Variants in ROBO1 observed in about 807,000 individuals in gnomAD.
The protein encoded by ROBO1 is roundabout homolog 1.
Under a neutral mutation model 195.9 loss-of-function variants are expected in ROBO1, and 149 were observed. The ratio of observed to expected loss-of-function variants is 0.76; its 90% CI spans 0.67 to 0.87. The LOEUF is 0.87. ROBO1 is among the 40% of genes least tolerant of loss of function. The pLI, the probability that ROBO1 is intolerant of heterozygous loss-of-function variation, is 0.00. For synonymous variants in ROBO1, 816 were observed against 733.2 expected (o/e 1.11, Z -1.82); for missense variants, 1,933 against 2,068.3 (o/e 0.93, Z 1.27).
Position 79,612,030 on chromosome 3 carries a change from T to A in ROBO1, c.-50-22069A>T, listed in dbSNP as rs867903383. 6.1e-5 allele frequency among the ~76,000 whole-genome samples: 8 copies of A among 131,344 alleles called. No homozygotes were observed. The South Asian group carries it at 1.8e-3, about 29-fold the overall frequency. The allele number at this position is 131,344 out of a possible 152,430, so 86.2% of individuals were successfully genotyped here. On this transcript the variant is annotated intron_variant, in intron 1 of 30. Coordinates refer to ENST00000464233, the MANE Select transcript of ROBO1 (RefSeq NM_002941.4). Reference sequence around the variant, plus strand: ...TTCTGTAATGACTATTATCTTTTTTTTTATTATTTTTTTATACTTTTAAGT... The same window carrying A: ...TTCTGTAATGACTATTATCTTTTTTATTATTATTTTTTTATACTTTTAAGT...
At chr3:79,460,451 T>C (rs181102842) in intron 2 of ROBO1, among the ~76,000 whole-genome samples, 3 of 152,312 alleles carry the variant, frequency 2.0e-5, no homozygotes, top group Non-Finnish European at 4.4e-5. Flanking sequence ...TTTATACCAG[T>C]AAAGCAAGTG....
At chr3:78,970,094 CAA>C (rs1230271005) in intron 3 of ROBO1, among the ~76,000 whole-genome samples, 1 of 151,754 alleles carries the variant, frequency 6.6e-6, no homozygotes, top group African/African-American at 2.4e-5. Flanking sequence ...ACAGAGGAGC[CAA>C]AGACTCATTA....
At chr3:79,249,357 C>T (rs1040062460) in intron 2 of ROBO1, among the ~76,000 whole-genome samples, 10 of 152,272 alleles carry the variant, frequency 6.6e-5, no homozygotes, top group African/African-American at 1.7e-4. Context: ...TAATTATGAA[C>T]GCCTTACTTT....
At chr3:79,445,249 C>T (rs898414868) in intron 2 of ROBO1, among the ~76,000 whole-genome samples, 3 of 151,592 alleles carry the variant, frequency 2.0e-5, no homozygotes, top group Non-Finnish European at 4.4e-5. Context: ...CACACCAATG[C>T]ATATATTACT....
At chr3:79,248,103 A>C (rs931314838) in intron 2 of ROBO1, among the ~76,000 whole-genome samples, 1 of 152,052 alleles carries the variant, frequency 6.6e-6, no homozygotes, top group African/African-American at 2.4e-5. Flanking sequence ...TTGGGAGGAA[A>C]CTTTGGATAG....
intron 5 of ROBO1, among the ~76,000 whole-genome samples, chr3:78,741,637 A>G (rs2082536033): frequency 6.6e-6 from 1 of 152,170 alleles, no homozygotes; most frequent in African/African-American, 2.4e-5. Context: ...ATTTTTAAAA[A>G]TCGCTCTTTG....
chr3:79,716,766 C>A (rs935541904), intron 1 of ROBO1, among the ~76,000 whole-genome samples: 1 of 151,818 alleles, frequency 6.6e-6, no homozygotes, highest in Non-Finnish European at 1.5e-5. Flanking sequence ...TTTAATAACA[C>A]AGCATGCCAA....
chr3:78,724,983 C>G (rs781530512), intron 5 of ROBO1, among the ~76,000 whole-genome samples: 2 of 152,170 alleles, frequency 1.3e-5, no homozygotes, highest in Non-Finnish European at 1.5e-5. Flanking sequence ...TGAACAGACA[C>G]AATGTTAAAC....
intron 10 of ROBO1, among the ~76,000 whole-genome samples, chr3:78,682,621 AT>A (rs2080949311): frequency 6.8e-6 from 1 of 147,450 alleles, no homozygotes; most frequent in Non-Finnish European, 1.5e-5. Flanking sequence ...GTTTATATAT[AT>A]TTGATATATA....
Position 79,030,354 on chromosome 3 carries a change from T to C in ROBO1, c.173-91427A>G, listed in dbSNP as rs557617879. 2.0e-5 allele frequency among the ~76,000 whole-genome samples: 3 copies of C among 152,306 alleles called. No individual in the cohort carries two copies. In the South Asian group the frequency reaches 6.2e-4, roughly 32 times the overall value. ...ATACTGCTAAACATCTTCCATTGCATAGGACAGTCTCCCTCTCACAACAAA... is the reference window on the plus strand; with the variant it reads ...ATACTGCTAAACATCTTCCATTGCACAGGACAGTCTCCCTCTCACAACAAA... On this transcript the variant is annotated intron_variant, in intron 3 of 30. Transcript: ENST00000464233.
intron 4 of ROBO1, among the ~76,000 whole-genome samples, chr3:78,798,221 T>TA (rs1382092062): frequency 6.6e-6 from 1 of 152,310 alleles, no homozygotes; most frequent in East Asian, 1.9e-4. Context: ...CAGTAACTGT[T>TA]ACACTTAAAT....
At chr3:79,611,631 A>C (rs1041336674) in intron 1 of ROBO1, among the ~76,000 whole-genome samples, 1 of 152,108 alleles carries the variant, frequency 6.6e-6, no homozygotes, top group Non-Finnish European at 1.5e-5. Flanking sequence ...GCAAACTAAC[A>C]CAGGAACAGA....
chr3:78,835,178 G>A (rs902577887), intron 4 of ROBO1, among the ~76,000 whole-genome samples: 1 of 151,948 alleles, frequency 6.6e-6, no homozygotes, highest in Non-Finnish European at 1.5e-5. Context: ...AGCCCCACAC[G>A]TCAAGAAACT....
chr3:78,662,134 C>A lies in ROBO1; in HGVS notation c.1967-20G>T. 1 of 1,551,366 alleles carries A rather than the reference C, an allele frequency of 6.4e-7. No homozygotes were observed. Among genetic ancestry groups the A allele is most frequent in the South Asian group, 1.2e-5 (1 of 83,980 alleles). On this transcript the variant is annotated intron_variant, in intron 14 of 30. Transcript: ENST00000464233. Reference sequence around the variant, plus strand: ...GGACATCTACAACAAGTCAAGAAAACTGTGTCAGGGTCTGCACAACGTTAC... The same window carrying A: ...GGACATCTACAACAAGTCAAGAAAAATGTGTCAGGGTCTGCACAACGTTAC...
At chr3:79,145,238 T>C (rs1402272934) in intron 2 of ROBO1, among the ~76,000 whole-genome samples, 1 of 151,748 alleles carries the variant, frequency 6.6e-6, no homozygotes, top group Non-Finnish European at 1.5e-5. Context: ...ACCATAAAAC[T>C]ATAAATATCA....
At chr3:79,221,469 T>C (rs1176369116) in intron 2 of ROBO1, among the ~76,000 whole-genome samples, 2 of 152,160 alleles carry the variant, frequency 1.3e-5, no homozygotes, top group African/African-American at 2.4e-5. Context: ...ATCTGCTTAA[T>C]ATACTCACAC....
At chr3:79,140,484 ACTAT>A (rs1326330610) in intron 2 of ROBO1, among the ~76,000 whole-genome samples, 2 of 152,120 alleles carry the variant, frequency 1.3e-5, no homozygotes, top group Non-Finnish European at 2.9e-5. Flanking sequence ...GTGAAATAAT[ACTAT>A]CTATTTCACA....
chr3:79,347,699 A>C (rs548409612), intron 2 of ROBO1, among the ~76,000 whole-genome samples: 1 of 152,324 alleles, frequency 6.6e-6, no homozygotes, highest in South Asian at 2.1e-4. Flanking sequence ...ATACTTGGCA[A>C]GTAGGTGAGT....
chr3:79,446,812 G>A (rs2107169266), intron 2 of ROBO1, among the ~76,000 whole-genome samples: 1 of 152,140 alleles, frequency 6.6e-6, no homozygotes, highest in East Asian at 1.9e-4. Flanking sequence ...TTTCAAAAAA[G>A]TTTTAAAATG....
Sources: allele counts gnomAD v4.1 joint callset (sites outside exome capture counted in the v4.1 genomes callset), GRCh38; gene constraint gnomAD v4.1.1; transcripts MANE v1.5; gene names NCBI Gene and HGNC (gene_info 2026-07-23, HGNC 2026-07-21).